The following FBXO16 variants were observed in gnomAD, a reference collection of about 807,000 sequenced individuals.
FBXO16 encodes the protein F-box protein 16.
FBXO16 carries 31 observed loss-of-function variants against 41.0 expected under a neutral mutation model. The observed-to-expected ratio is 0.76, with a 90% CI of 0.57 to 1.02. FBXO16 has a LOEUF of 1.02. Ranked by LOEUF, FBXO16 falls within the 50% of genes least tolerant of loss-of-function variation. The pLI is 0.00. For synonymous variants in FBXO16, 133 were observed against 117.8 expected (o/e 1.13, Z -0.84); for missense variants, 361 against 346.2 (o/e 1.04, Z -0.34).
At chr8:28,441,908 A>ATGTG (rs1190692957) in intron 7 of FBXO16, among the ~76,000 whole-genome samples, 12 of 115,380 alleles carry the variant, frequency 1.0e-4, no homozygotes, top group African/African-American at 4.4e-4. Context: ...GTGTATATAT[A>ATGTG]TATGTGTGTG....
chr8:28,465,859 C>G (rs546330208), intron 3 of FBXO16, among the ~76,000 whole-genome samples: 1 of 151,974 alleles, frequency 6.6e-6, no homozygotes, highest in Admixed American at 6.6e-5. Flanking sequence ...TAAACTGGCA[C>G]TTTTTAAAGT....
At position 28,456,781 on chromosome 8, in the gene FBXO16, A is replaced by G. The variant is rs1289215600; in HGVS notation, c.492T>C (p.His164=). Residue 164 remains histidine, a synonymous_variant, in exon 5 of 9, where the codon CAT becomes CAC. Coordinates refer to ENST00000380254, the MANE Select transcript of FBXO16 (RefSeq NM_172366.4). The part of the protein sequence containing the change: ...KHYIQMVKEL[H]ITKPKTPPKD... The stretch of plus-strand genomic sequence containing the variant: ...TAAAATTCACCTTAGGCTTGGTAAT[A>G]TGAAGTTCTTTCACCATTTGAATAT... 6.2e-7 allele frequency: 1 copy of G among 1,614,076 alleles called. No homozygotes were observed. Among genetic ancestry groups the G allele is most frequent in the African/African-American group, 1.3e-5 (1 of 75,052 alleles).
At chr8:28,449,969 CA>C (rs146418264) in intron 6 of FBXO16, among the ~76,000 whole-genome samples, 4 of 100,948 alleles carry the variant, frequency 4.0e-5, no homozygotes, top group East Asian at 5.3e-4. Context: ...AAGACTGTCT[CA>C]AAAAAAAAAG....
intron 7 of FBXO16, among the ~76,000 whole-genome samples, chr8:28,444,186 C>T (rs1307044406): frequency 1.3e-5 from 2 of 152,076 alleles, no homozygotes; most frequent in African/African-American, 4.8e-5. Flanking sequence ...TCTAGTGTAA[C>T]AAATTCACTC....
At chr8:28,435,019 G>A (rs564706541) in intron 7 of FBXO16, among the ~76,000 whole-genome samples, 1 of 152,326 alleles carries the variant, frequency 6.6e-6, no homozygotes, top group Admixed American at 6.5e-5. Context: ...TCGGCCCCTG[G>A]CCCTGTCGTG....
intron 1 of FBXO16, among the ~76,000 whole-genome samples, chr8:28,483,977 G>A (rs1803559849): frequency 6.6e-6 from 1 of 152,226 alleles, no homozygotes; most frequent in Admixed American, 6.5e-5. Flanking sequence ...ATTACCTGGT[G>A]AGGTGGTGGG....
intron 3 of FBXO16, among the ~76,000 whole-genome samples, chr8:28,468,414 G>A (rs1034762285): frequency 2.0e-5 from 3 of 152,184 alleles, no homozygotes; most frequent in Non-Finnish European, 4.4e-5. Context: ...GGGTGGGAGG[G>A]GGATAAAGAG....
At chr8:28,479,107 T>C (rs1484327648) in intron 2 of FBXO16, among the ~76,000 whole-genome samples, 1 of 152,184 alleles carries the variant, frequency 6.6e-6, no homozygotes, top group African/African-American at 2.4e-5. Flanking sequence ...TTATGTTTCC[T>C]GCACAGCCTG....
intron 7 of FBXO16, among the ~76,000 whole-genome samples, chr8:28,433,569 G>A (rs1802642654): frequency 6.6e-6 from 1 of 152,166 alleles, no homozygotes; most frequent in Non-Finnish European, 1.5e-5. Context: ...TCCCTTCCTG[G>A]GCCGGAAGCT....
chr8:28,442,576 G>T (rs1037489969), intron 7 of FBXO16, among the ~76,000 whole-genome samples: 14 of 152,130 alleles, frequency 9.2e-5, no homozygotes, highest in African/African-American at 3.1e-4. Flanking sequence ...TAGAGATGGG[G>T]TTTCACCATG....
Position 28,463,697 on chromosome 8 carries a change from A to G in FBXO16, c.257T>C (p.Leu86Pro). The stretch of plus-strand genomic sequence containing the variant: ...CCTTGGAAGCTTGGTTGTAAAGTCC[A>G]GGGCTTCTGCTGGAATTTTCTCTTG... ...KLQEKIPAEA[L>P]DFTTKLPRVL... The change falls in exon 4 of 9, where the codon CTG becomes CCG. Residue 86 changes from leucine to proline, a missense_variant. Leu to Pro is a moderately conservative substitution (Grantham distance 98). Coordinates refer to ENST00000380254, the MANE Select transcript of FBXO16 (RefSeq NM_172366.4). The G allele has an allele frequency of 6.2e-7, 1 of 1,614,252 alleles. No homozygotes were observed. Among genetic ancestry groups the G allele is most frequent in the Non-Finnish European group, 8.5e-7 (1 of 1,180,036 alleles).
chr8:28,439,956 G>T (rs928037524), intron 7 of FBXO16, among the ~76,000 whole-genome samples: 5 of 136,666 alleles, frequency 3.7e-5, no homozygotes, highest in Non-Finnish European at 7.7e-5. Context: ...TTTAAATTAG[G>T]ATTCATGAAT....
intron 3 of FBXO16, 146 bp from the exon 4 acceptor site, chr8:28,463,964 G>A: frequency 2.6e-6 from 2 of 778,874 alleles, no homozygotes; most frequent in Non-Finnish European, 4.0e-6. Flanking sequence ...CAAATTCCAT[G>A]CTTTGCCACC....
chr8:28,472,505 G>T (rs891411352), intron 3 of FBXO16, among the ~76,000 whole-genome samples: 7 of 152,032 alleles, frequency 4.6e-5, no homozygotes, highest in Admixed American at 2.0e-4. Flanking sequence ...GAGGTCAAGG[G>T]GGGGCGGGGT....
intron 7 of FBXO16, among the ~76,000 whole-genome samples, chr8:28,443,715 T>C (rs1433168292): frequency 6.6e-6 from 1 of 151,614 alleles, no homozygotes; most frequent in Non-Finnish European, 1.5e-5. Context: ...AGATAGGAGG[T>C]CAGCACGAGA....
chr8:28,452,553 C>A, intron 5 of FBXO16, 77 bp from the exon 6 acceptor site: 1 of 1,435,012 alleles, frequency 7.0e-7, no homozygotes, highest in Non-Finnish European at 9.6e-7. Flanking sequence ...GTAATCCCAG[C>A]ACTTTGGGAG....
intron 7 of FBXO16, among the ~76,000 whole-genome samples, chr8:28,444,203 G>A (rs192986611): frequency 9.9e-5 from 15 of 152,116 alleles, no homozygotes; most frequent in African/African-American, 3.6e-4. Flanking sequence ...ACTCTATGGC[G>A]GCTGTTACCA....
Position 28,440,001 on chromosome 8 carries a change from A to G in FBXO16, c.843+7170T>C, listed in dbSNP as rs960165671. Reference sequence around the variant, plus strand: ...TTTTTTTTTTTTGTATTCTGCATAAAGCCATTTTAATTACAGCTGTGTTCT... The same window carrying G: ...TTTTTTTTTTTTGTATTCTGCATAAGGCCATTTTAATTACAGCTGTGTTCT... On this transcript the variant is annotated intron_variant, in intron 7 of 8. Transcript: ENST00000380254. Among the ~76,000 whole-genome samples, 6 of 149,084 alleles carry G rather than the reference A, an allele frequency of 4.0e-5. No homozygotes were observed. In the Admixed American group the frequency reaches 4.1e-4, roughly 10 times the overall value.
chr8:28,452,672 G>T (rs1436132167), intron 5 of FBXO16, among the ~76,000 whole-genome samples, 196 bp from the exon 6 acceptor site: 1 of 151,956 alleles, frequency 6.6e-6, no homozygotes, highest in Non-Finnish European at 1.5e-5. Context: ...GTGGTGGCGG[G>T]CACCTGTAGT....
Sources: allele counts gnomAD v4.1 joint callset (sites outside exome capture counted in the v4.1 genomes callset), GRCh38; gene constraint gnomAD v4.1.1; transcripts MANE v1.5; gene names NCBI Gene and HGNC (gene_info 2026-07-23, HGNC 2026-07-21).